Variants in RBCK1 observed in about 807,000 individuals in gnomAD.
RBCK1 encodes the protein ranBP-type and C3HC4-type zinc finger-containing protein 1.
Under a neutral mutation model 71.1 loss-of-function variants are expected in RBCK1, and 44 were observed. The observed-to-expected ratio is 0.62, with a 90% CI of 0.49 to 0.80. The LOEUF is 0.80. RBCK1 is among the 30% of genes least tolerant of loss of function. RBCK1 has a pLI of 0.00. For missense variants in RBCK1, 569 were observed against 685.0 expected (o/e 0.83, Z 1.89); for synonymous variants, 306 against 279.7 (o/e 1.09, Z -0.94).
At chr20:426,946 C>T (rs2016755745) in intron 8 of RBCK1, among the ~76,000 whole-genome samples, 1 of 151,362 alleles carries the variant, frequency 6.6e-6, no homozygotes, top group Admixed American at 6.6e-5. Flanking sequence ...ACAACCCAGC[C>T]TCCCAAGCAG....
rs2015610951 is a variant in RBCK1 at position 410,028 on chromosome 20, G to A, written c.167+3G>A. The stretch of plus-strand genomic sequence containing the variant: ...GTCTCCCCAACGCAGGACATCAGGT[G>A]AGGAGTGCATGGCTGGCCTGAACCC... On this transcript the variant is annotated splice_donor_region_variant and intron_variant, in intron 2 of 11. Coordinates refer to ENST00000356286, the MANE Select transcript of RBCK1 (RefSeq NM_031229.4). 7.4e-6 allele frequency: 12 copies of A among 1,613,540 alleles called. No individual in the cohort carries two copies. The highest frequency in any genetic ancestry group is 1.0e-5 in the Non-Finnish European group (12 of 1,179,634).
At chr20:418,818 G>A (rs6115910) in intron 4 of RBCK1, among the ~76,000 whole-genome samples, 3,132 of 152,210 alleles carry the variant, frequency 0.021, 96 homozygotes, top group African/African-American at 0.065. Context: ...TTACATTACT[G>A]GGTATAACAA....
chr20:420,792 C>T (rs1379586965), intron 6 of RBCK1, 79 bp from the exon 7 acceptor site: 10 of 1,342,848 alleles, frequency 7.4e-6, no homozygotes, highest in Non-Finnish European at 9.0e-6. Context: ...CTGACCACGC[C>T]CCCTGGCCCT....
intron 1 of RBCK1, among the ~76,000 whole-genome samples, chr20:409,199 C>A (rs1353311881): frequency 6.6e-6 from 1 of 152,232 alleles, no homozygotes; most frequent in Non-Finnish European, 1.5e-5. Flanking sequence ...AACCCAGAGG[C>A]CCTGGGTGGC....
chr20:419,514 G>A, intron 5 of RBCK1, 44 bp from the exon 6 acceptor site: 1 of 1,603,912 alleles, frequency 6.2e-7, no homozygotes. Context: ...CCCCTCCCTT[G>A]CCTCACCCTG....
intron 6 of RBCK1, chr20:420,573 C>T: frequency 1.0e-6 from 1 of 982,918 alleles, no homozygotes; most frequent in Non-Finnish European, 1.2e-6. Flanking sequence ...CTGGCGCCTT[C>T]CGTGGCTACC....
chr20:414,000 T>C (rs2015853094), intron 2 of RBCK1, among the ~76,000 whole-genome samples: 1 of 151,508 alleles, frequency 6.6e-6, no homozygotes, highest in Non-Finnish European at 1.5e-5. Context: ...GGCTCTGTGC[T>C]CTGATGCTTC....
chr20:427,516 CACCT>C (rs1350680348), intron 9 of RBCK1, 24 bp downstream of exon 9: 2 of 1,610,350 alleles, frequency 1.2e-6, no homozygotes, highest in Admixed American at 3.3e-5. Context: ...GGACTCCCCC[CACCT>C]AGTCACTGTC....
intron 7 of RBCK1, among the ~76,000 whole-genome samples, chr20:421,485 G>A (rs1347273019): frequency 6.6e-6 from 1 of 152,214 alleles, no homozygotes; most frequent in Non-Finnish European, 1.5e-5. Context: ...TTACATTCCA[G>A]CAGAGAGGCT....
At chr20:421,103 G>C in intron 7 of RBCK1, 72 bp downstream of exon 7, 1 of 1,454,820 alleles carries the variant, frequency 6.9e-7, no homozygotes, top group Non-Finnish European at 9.1e-7. Flanking sequence ...CTGGACGTGG[G>C]TGGGGCCCTG....
chr20:421,178 G>C (rs1217696023), intron 7 of RBCK1, 147 bp downstream of exon 7: 1 of 1,071,856 alleles, frequency 9.3e-7, no homozygotes, highest in African/African-American at 1.6e-5. Context: ...CCCATGTTGC[G>C]GACGAGGAAC....
intron 11 of RBCK1, among the ~76,000 whole-genome samples, chr20:429,319 C>T (rs901907760): frequency 1.1e-4 from 16 of 152,110 alleles, no homozygotes; most frequent in East Asian, 3.9e-4. Context: ...CTCTGCCTTC[C>T]GGGTTCAAGC....
intron 8 of RBCK1, among the ~76,000 whole-genome samples, chr20:425,442 CAT>C (rs1250401973): frequency 1.3e-5 from 2 of 152,212 alleles, no homozygotes; most frequent in African/African-American, 4.8e-5. Context: ...TTACATATAA[CAT>C]AGGCATGATT....
rs77078232 is a variant in RBCK1 at position 425,905 on chromosome 20, G to A, written c.1030-1408G>A. Reference sequence around the variant, plus strand: ...CTCCCAGAGTGTTCAGATTACAGGCGTGATCCATCATTCCTGGCTGGTGCA... The same window carrying A: ...CTCCCAGAGTGTTCAGATTACAGGCATGATCCATCATTCCTGGCTGGTGCA... On this transcript the variant is annotated intron_variant, in intron 8 of 11. Transcript: ENST00000356286. Among the ~76,000 whole-genome samples the A allele has an allele frequency of 3.9e-5, 6 of 152,276 alleles. No homozygotes were observed. The East Asian group carries it at 9.6e-4, about 24-fold the overall frequency.
In RBCK1 at chr20:422,250, G is replaced by A. The variant is rs774877187; in HGVS notation, c.1029+12G>A. 3.1e-6 allele frequency: 5 copies of A among 1,611,044 alleles called. No homozygotes were observed. In the African/African-American group the frequency reaches 5.3e-5, roughly 17 times the overall value. On this transcript the variant is annotated intron_variant, in intron 8 of 11. Coordinates refer to ENST00000356286, the MANE Select transcript of RBCK1 (RefSeq NM_031229.4). This position sits in a 1 kb window ranked among gnomAD's most constrained non-coding sequence, Gnocchi z 5.0. ...GGGAGATCAAGGCGGTAAGGCCTCA[G>A]GGTGGGAGACATACCCCAAGTCCCA... is the stretch of plus-strand genomic sequence containing the variant.
intron 4 of RBCK1, 77 bp from the exon 5 acceptor site, chr20:419,270 G>A: frequency 1.3e-6 from 2 of 1,588,406 alleles, no homozygotes; most frequent in Non-Finnish European, 1.7e-6. Context: ...TGCCTGGCTG[G>A]CTCAGGGAGA....
intron 2 of RBCK1, among the ~76,000 whole-genome samples, chr20:415,938 G>T (rs1229677136): frequency 6.6e-6 from 1 of 152,140 alleles, no homozygotes; most frequent in Non-Finnish European, 1.5e-5. Context: ...TCACTATGGC[G>T]AGAAGTCACT....
chr20:431,660 C>A lies in RBCK1; in HGVS notation c.*1230C>A, dbSNP rs1475820568. Among the ~76,000 whole-genome samples the A allele has an allele frequency of 6.6e-6, 1 of 152,202 alleles. No individual in the cohort carries two copies. Among genetic ancestry groups the A allele is most frequent in the East Asian group, 1.9e-4 (1 of 5,194 alleles). The stretch of plus-strand genomic sequence containing the variant: ...CAACTGGAAAGGCACTGCCACCTGC[C>A]GTTGGATGCCAGGACTCAAGAGCTG... On this transcript the variant is annotated 3_prime_UTR_variant, in exon 12 of 12. Coordinates refer to ENST00000356286, the MANE Select transcript of RBCK1 (RefSeq NM_031229.4). The surrounding 1 kb of genome is among the most constrained non-coding windows in gnomAD (Gnocchi z 4.8).
Position 422,553 on chromosome 20 carries a change from G to C in RBCK1, c.1029+315G>C, listed in dbSNP as rs1252135601. On this transcript the variant is annotated intron_variant, in intron 8 of 11. Transcript: ENST00000356286. The surrounding 1 kb of genome is among the most constrained non-coding windows in gnomAD (Gnocchi z 5.0). The stretch of plus-strand genomic sequence containing the variant: ...TTGTTAAGAATCAGGGACTCGGCTG[G>C]GCGTGGCAGCTCACACCTGTAATCC... Among the ~76,000 whole-genome samples, 1 of 152,100 alleles carries C rather than the reference G, an allele frequency of 6.6e-6. No individual in the cohort carries two copies. The highest frequency in any genetic ancestry group is 2.4e-5 in the African/African-American group (1 of 41,398).
Sources: gnomAD v4.1 joint callset for allele counts (sites outside exome capture counted in the v4.1 genomes callset) on GRCh38, gnomAD v4.1.1 for gene constraint, Gnocchi (gnomAD v3.1) non-coding constraint, MANE v1.5 for transcripts, NCBI Gene and HGNC (gene_info 2026-07-23, HGNC 2026-07-21) for gene names.